GLG1: variants seen among roughly 807,000 people sequenced by gnomAD.
GLG1 encodes Golgi apparatus protein 1.
In GLG1, 38 loss-of-function variants were observed where a neutral mutation model predicts 160.5. That is an observed-to-expected ratio of 0.24 (90% CI 0.18 to 0.31). The LOEUF is 0.31. GLG1 is among the 10% of genes least tolerant of loss of function. The pLI is 1.00. For synonymous variants in GLG1, 644 were observed against 543.4 expected, an observed-to-expected ratio of 1.19 and a Z score of -2.57; for missense variants, 1,373 against 1,505.2, an observed-to-expected ratio of 0.91 and a Z score of 1.45.
rs546372254 is a variant in GLG1 at position 74,452,532 on chromosome 16, C to T, written c.*635G>A. On this transcript the variant is annotated 3_prime_UTR_variant, in exon 26 of 26. Transcript: ENST00000422840. The stretch of plus-strand genomic sequence containing the variant: ...CAGCAGTGGCTGATTAGGGTGGAAA[C>T]TGGAAAGCGTCACTGTCTCAGCAGA... 63 of 1,013,928 alleles carry T rather than the reference C, an allele frequency of 6.2e-5. 2 individuals are homozygous for T. In the South Asian group the frequency reaches 2.2e-3, roughly 36 times the overall value. The allele number at this position is 1,013,928 out of a possible 1,614,324, so 62.8% of individuals were successfully genotyped here. A position where few individuals can be genotyped will look rare whatever the true frequency, so the allele number is the denominator to read the frequency against.
chr16:74,486,923 T>C (rs552354823), intron 8 of GLG1, among the ~76,000 whole-genome samples: 2 of 133,054 alleles, frequency 1.5e-5, no homozygotes, highest in Admixed American at 7.5e-5. Context: ...TCTTTTTTTT[T>C]TCCCCCCCGA....
intron 25 of GLG1, 72 bp from the exon 26 acceptor site, chr16:74,453,406 C>T (rs1331245460): frequency 1.1e-6 from 1 of 918,436 alleles, no homozygotes; most frequent in East Asian, 2.5e-5. Context: ...TCTAACTTAT[C>T]CCTCTCAGTT....
rs768926955 is a variant in GLG1 at position 74,493,049 on chromosome 16, T to C, written c.1142A>G (p.Lys381Arg). The C allele has an allele frequency of 6.2e-7, 1 of 1,613,926 alleles. No individual in the cohort carries two copies. The highest frequency in any genetic ancestry group is 8.5e-7 in the Non-Finnish European group (1 of 1,179,814). The change falls in exon 7 of 26, where the codon AAG (lysine) becomes AGG (arginine). Residue 381 changes from lysine to arginine, a missense_variant. Lys to Arg is a conservative substitution (Grantham distance 26). Around this residue, in one of 4 missense-constraint regions of GLG1, gnomAD observed 386 missense variants for 388.5 expected, o/e 0.99. Transcript: ENST00000422840. ...SLAKSCKSDL[K>R]KYRCNVENLP... ...GTTTTCCACATTGCACCGGTATTTCTTCAAGTCACTTTTACAGGATTTGGC... is the reference window on the plus strand; with the variant it reads ...GTTTTCCACATTGCACCGGTATTTCCTCAAGTCACTTTTACAGGATTTGGC...
chr16:74,463,732 TTTG>T (rs72240229), intron 19 of GLG1, among the ~76,000 whole-genome samples: 310 of 151,240 alleles, frequency 2.0e-3, no homozygotes, highest in African/African-American at 7.3e-3. Context: ...TTGTGTTTTT[TTTG>T]TTGTTGTTGT....
intron 1 of GLG1, among the ~76,000 whole-genome samples, chr16:74,561,178 T>A (rs898385934): frequency 6.6e-6 from 1 of 152,154 alleles, no homozygotes; most frequent in Admixed American, 6.5e-5. Context: ...GAGCTGGGCA[T>A]GGGGGGCAGC....
intron 2 of GLG1, among the ~76,000 whole-genome samples, chr16:74,516,609 ATC>A (rs986021471): frequency 6.6e-6 from 1 of 152,248 alleles, no homozygotes; most frequent in Admixed American, 6.5e-5. Context: ...AGCAGGAAAG[ATC>A]TAAAATTGAC....
At chr16:74,606,319 A>C (rs866025477) in intron 1 of GLG1, among the ~76,000 whole-genome samples, 1 of 152,208 alleles carries the variant, frequency 6.6e-6, no homozygotes, top group Admixed American at 6.5e-5. Context: ...GCAAAATCCT[A>C]AACTGATCTT....
At chr16:74,497,911 T>C (rs2016257626) in intron 4 of GLG1, among the ~76,000 whole-genome samples, 1 of 152,192 alleles carries the variant, frequency 6.6e-6, no homozygotes, top group Non-Finnish European at 1.5e-5. Flanking sequence ...TTTAACAAGA[T>C]TACCACTGTT....
At chr16:74,484,526 G>A (rs368009797) in intron 9 of GLG1, among the ~76,000 whole-genome samples, 17 of 151,932 alleles carry the variant, frequency 1.1e-4, no homozygotes, top group African/African-American at 3.4e-4. Flanking sequence ...ACTTTGGGAG[G>A]CCGAGGCGGG....
At chr16:74,456,409 C>T in intron 25 of GLG1, 1 of 447,422 alleles carries the variant, frequency 2.2e-6, no homozygotes, top group South Asian at 2.5e-5. Context: ...ATCTGCCTGC[C>T]TCGGCCTCCC....
chr16:74,481,910 C>G (rs962166144), intron 10 of GLG1, among the ~76,000 whole-genome samples: 3 of 152,126 alleles, frequency 2.0e-5, no homozygotes, highest in African/African-American at 7.2e-5. Context: ...CTCAGCCTCC[C>G]GAGTAGCTGG....
At chr16:74,582,240 C>T (rs1206251825) in intron 1 of GLG1, among the ~76,000 whole-genome samples, 1 of 152,106 alleles carries the variant, frequency 6.6e-6, no homozygotes, top group Non-Finnish European at 1.5e-5. Context: ...AATCTCAGCT[C>T]ACTGCAACCT....
At chr16:74,605,304 T>C (rs1032058288) in intron 1 of GLG1, among the ~76,000 whole-genome samples, 1 of 151,462 alleles carries the variant, frequency 6.6e-6, no homozygotes, top group African/African-American at 2.4e-5. Context: ...GAAGGATATA[T>C]ACACTCCTTG....
chr16:74,543,451 C>A (rs1313614267), intron 1 of GLG1, among the ~76,000 whole-genome samples: 2 of 152,122 alleles, frequency 1.3e-5, no homozygotes, highest in South Asian at 2.1e-4. Context: ...GCACTCCAGC[C>A]TGGACAACAC....
intron 1 of GLG1, among the ~76,000 whole-genome samples, chr16:74,579,127 G>C (rs1957877945): frequency 6.6e-6 from 1 of 152,146 alleles, no homozygotes; most frequent in Admixed American, 6.5e-5. Flanking sequence ...GCTGTAGTGA[G>C]CTATGATCGC....
At chr16:74,579,569 A>G (rs1333241774) in intron 1 of GLG1, among the ~76,000 whole-genome samples, 2 of 151,728 alleles carry the variant, frequency 1.3e-5, no homozygotes, top group Non-Finnish European at 2.9e-5. Flanking sequence ...TAAAAATACA[A>G]AAGTTAGCCA....
intron 1 of GLG1, among the ~76,000 whole-genome samples, chr16:74,605,100 T>A (rs1958535194): frequency 6.6e-6 from 1 of 152,106 alleles, no homozygotes. Context: ...TACACATAGG[T>A]GTTCACAGTA....
At chr16:74,599,015 T>G (rs748215593) in intron 1 of GLG1, among the ~76,000 whole-genome samples, 1 of 152,126 alleles carries the variant, frequency 6.6e-6, no homozygotes, top group Non-Finnish European at 1.5e-5. Context: ...CAGCATTTCA[T>G]CTTTTGGACT....
At chr16:74,512,273 T>TA (rs368505481) in intron 2 of GLG1, among the ~76,000 whole-genome samples, 25,829 of 135,022 alleles carry the variant, frequency 0.19, 2,566 homozygotes, top group East Asian at 0.39. Context: ...GAATCCATAT[T>TA]AAAAAAAAAA....
Sources: gnomAD v4.1 joint callset for allele counts (sites outside exome capture counted in the v4.1 genomes callset) on GRCh38, gnomAD v4.1.1 for gene constraint, gnomAD v4.1.1 regional missense constraint, MANE v1.5 for transcripts, NCBI Gene and HGNC (gene_info 2026-07-23, HGNC 2026-07-21) for gene names.